OXSR1: variants seen among roughly 807,000 people sequenced by gnomAD.
OXSR1 encodes serine/threonine-protein kinase OSR1.
A neutral mutation model predicts 79.8 loss-of-function variants in OXSR1; 24 were observed. The observed-to-expected ratio is 0.30, with a 90% CI of 0.22 to 0.42. The LOEUF is 0.42. Ranked by LOEUF, OXSR1 falls within the 10% of genes least tolerant of loss-of-function variation. The pLI is 1.00. For missense variants in OXSR1, 430 were observed against 618.4 expected (o/e 0.70, Z 3.23); for synonymous variants, 226 against 209.2 (o/e 1.08, Z -0.69).
intron 10 of OXSR1, among the ~76,000 whole-genome samples, chr3:38,232,173 C>G (rs1438195397): frequency 2.0e-5 from 3 of 151,770 alleles, no homozygotes; most frequent in Non-Finnish European, 2.9e-5. Flanking sequence ...AATCCCAGCA[C>G]CTGTGGGAGG....
chr3:38,209,858 G>A (rs1001718875), intron 4 of OXSR1, among the ~76,000 whole-genome samples: 11 of 152,096 alleles, frequency 7.2e-5, no homozygotes, highest in Non-Finnish European at 1.3e-4. Flanking sequence ...TCCTGACCTC[G>A]TGATCCACCC....
Position 38,253,182 on chromosome 3 carries a change from G to C in OXSR1, c.*291G>C. On this transcript the variant is annotated 3_prime_UTR_variant, in exon 18 of 18. Coordinates refer to ENST00000311806, the MANE Select transcript of OXSR1 (RefSeq NM_005109.3). ...CATGTGCTTCAAGGCCCAGGAGGGAGATCTGTCAGCTCATTCTTGCCTTAC... is the reference window on the plus strand; with the variant it reads ...CATGTGCTTCAAGGCCCAGGAGGGACATCTGTCAGCTCATTCTTGCCTTAC... 2.6e-6 allele frequency: 1 copy of C among 377,534 alleles called. No individual in the cohort carries two copies. Among genetic ancestry groups the C allele is most frequent in the Admixed American group, 4.2e-5 (1 of 23,758 alleles). The allele number at this position is 377,534 out of a possible 1,614,324, so 23.4% of individuals were successfully genotyped here. A position where few individuals can be genotyped will look rare whatever the true frequency, so the allele number is the denominator to read the frequency against.
At chr3:38,197,698 G>C (rs565982446) in intron 3 of OXSR1, among the ~76,000 whole-genome samples, 2 of 152,182 alleles carry the variant, frequency 1.3e-5, no homozygotes, top group African/African-American at 4.8e-5. Context: ...ATAAACTTGC[G>C]TTCAGTCCTT....
rs1384708104 is a variant in OXSR1, at chr3:38,236,946, A to G, written c.1059A>G (p.Ala353=). ...AAGAAAGTGAGGAAGGGAAAGCAGCAATTTCACAACTCAGGGTAAATTTTA... is the reference window on the plus strand; with the variant it reads ...AAGAAAGTGAGGAAGGGAAAGCAGCGATTTCACAACTCAGGGTAAATTTTA... ...FDEESEEGKA[A]ISQLRSPRVK... is the part of the protein sequence containing the mutation. Residue 353 remains alanine (A), a synonymous_variant, in exon 11 of 18, where the codon GCA becomes GCG. Transcript: ENST00000311806. The G allele has an allele frequency of 1.9e-6, 3 of 1,612,152 alleles. No homozygotes were observed. The highest frequency in any genetic ancestry group is 2.2e-5 in the South Asian group (2 of 90,892).
intron 3 of OXSR1, among the ~76,000 whole-genome samples, chr3:38,196,423 C>A (rs1176036357): frequency 6.6e-6 from 1 of 152,122 alleles, no homozygotes; most frequent in Non-Finnish European, 1.5e-5. Context: ...ACCAGTATCT[C>A]TCAGTTAAGG....
intron 2 of OXSR1, among the ~76,000 whole-genome samples, chr3:38,186,460 A>T (rs1325554842): frequency 1.3e-5 from 2 of 152,150 alleles, no homozygotes; most frequent in Non-Finnish European, 2.9e-5. Flanking sequence ...ATGACCACTC[A>T]TTCTTTATTC....
At chr3:38,228,811 A>G (rs1702747624) in intron 8 of OXSR1, among the ~76,000 whole-genome samples, 1 of 152,122 alleles carries the variant, frequency 6.6e-6, no homozygotes. Context: ...TGATATCGTG[A>G]TCCACCCACT....
chr3:38,225,737 C>T (rs2125839005), intron 8 of OXSR1, among the ~76,000 whole-genome samples: 1 of 152,076 alleles, frequency 6.6e-6, no homozygotes, highest in South Asian at 2.1e-4. Flanking sequence ...ATGAGGAAGC[C>T]CTAAGTTAAA....
intron 1 of OXSR1, 141 bp downstream of exon 1, chr3:38,166,087 G>A: frequency 1.3e-6 from 1 of 772,530 alleles, no homozygotes; most frequent in Admixed American, 2.1e-5. Context: ...CTTGTAGGAC[G>A]CTTGTGTCGA....
intron 10 of OXSR1, among the ~76,000 whole-genome samples, chr3:38,236,475 G>T (rs903997214): frequency 1.3e-5 from 2 of 149,772 alleles, no homozygotes; most frequent in Non-Finnish European, 3.0e-5. Context: ...TTAACAAAAA[G>T]AAAAAATAAC....
chr3:38,215,165 G>A (rs1053185808), intron 4 of OXSR1, among the ~76,000 whole-genome samples: 3 of 152,046 alleles, frequency 2.0e-5, no homozygotes, highest in African/African-American at 7.2e-5. Flanking sequence ...GAAATGCACT[G>A]GTCTCTTATT....
At chr3:38,226,077 T>TA in intron 8 of OXSR1, among the ~76,000 whole-genome samples, 1 of 152,174 alleles carries the variant, frequency 6.6e-6, no homozygotes, top group Non-Finnish European at 1.5e-5. Context: ...ATTAGAAAGT[T>TA]AAAAAAGCTT....
intron 3 of OXSR1, among the ~76,000 whole-genome samples, chr3:38,191,235 A>T (rs1449623690): frequency 1.4e-5 from 2 of 147,972 alleles, no homozygotes; most frequent in East Asian, 2.0e-4. Flanking sequence ...ATTTAATATA[A>T]TTTTTTTTTT....
intron 2 of OXSR1, among the ~76,000 whole-genome samples, chr3:38,186,193 A>T (rs928470081): frequency 6.6e-6 from 1 of 152,096 alleles, no homozygotes. Flanking sequence ...ATTTTATTTG[A>T]TAGGAAATAT....
chr3:38,215,413 T>A (rs1302222106), intron 4 of OXSR1, among the ~76,000 whole-genome samples: 1 of 152,176 alleles, frequency 6.6e-6, no homozygotes, highest in Admixed American at 6.5e-5. Flanking sequence ...TTGGGGATTT[T>A]AAATTTTGCC....
chr3:38,237,103 T>A, intron 11 of OXSR1, 142 bp downstream of exon 11: 1 of 674,394 alleles, frequency 1.5e-6, no homozygotes, highest in Non-Finnish European at 2.4e-6. Flanking sequence ...TAATTCTGCA[T>A]GGAAAGTTGG....
At chr3:38,169,729 T>C (rs948363747) in intron 1 of OXSR1, among the ~76,000 whole-genome samples, 7 of 152,096 alleles carry the variant, frequency 4.6e-5, no homozygotes, top group Non-Finnish European at 1.5e-5. Flanking sequence ...TAGTTTTTTT[T>C]TTCTTCTCAT....
At chr3:38,208,733 T>C (rs567109863) in intron 4 of OXSR1, among the ~76,000 whole-genome samples, 1 of 152,178 alleles carries the variant, frequency 6.6e-6, no homozygotes, top group African/African-American at 2.4e-5. Context: ...AAACCCTGTC[T>C]CTACTAAAAA....
At chr3:38,201,190 G>T (rs1170824573) in intron 4 of OXSR1, among the ~76,000 whole-genome samples, 4 of 152,060 alleles carry the variant, frequency 2.6e-5, no homozygotes, top group Admixed American at 1.3e-4. Flanking sequence ...ACAGGCATGT[G>T]CTGCTGAGCC....
Sources: gnomAD v4.1 joint callset for allele counts (sites outside exome capture counted in the v4.1 genomes callset) on GRCh38, gnomAD v4.1.1 for gene constraint, MANE v1.5 for transcripts, NCBI Gene and HGNC (gene_info 2026-07-23, HGNC 2026-07-21) for gene names.